TSNARE1: variants seen among roughly 807,000 people sequenced by gnomAD.
TSNARE1 encodes t-SNARE domain-containing protein 1.
Under a neutral mutation model 62.0 loss-of-function variants are expected in TSNARE1, and 49 were observed. The observed-to-expected ratio is 0.79, with a 90% CI of 0.63 to 1.00. The LOEUF (loss-of-function observed/expected upper bound fraction) is 1.00, where lower values mean the gene tolerates loss of function less well. Among genes scored for constraint, TSNARE1 ranks in the 50% least tolerant of loss-of-function variants. The pLI is 0.00. For synonymous variants in TSNARE1, 328 were observed against 294.4 expected (o/e 1.11, Z -1.17); for missense variants, 755 against 700.1 (o/e 1.08, Z -0.88).
At chr8:142,355,133 G>A (rs1454188389) in intron 1 of TSNARE1, among the ~76,000 whole-genome samples, 1 of 152,204 alleles carries the variant, frequency 6.6e-6, no homozygotes, top group Non-Finnish European at 1.5e-5. Flanking sequence ...CGCCATGCAG[G>A]CAGGGCAGCA....
intron 4 of TSNARE1, among the ~76,000 whole-genome samples, chr8:142,340,859 C>T (rs943263413): frequency 6.6e-6 from 1 of 152,268 alleles, no homozygotes; most frequent in African/African-American, 2.4e-5. Flanking sequence ...GATGACACCA[C>T]GTGCCTAGAC....
intron 11 of TSNARE1, among the ~76,000 whole-genome samples, chr8:142,281,051 C>G (rs1432817528): frequency 6.6e-6 from 1 of 152,178 alleles, no homozygotes; most frequent in Non-Finnish European, 1.5e-5. Context: ...CGCCAGCTGC[C>G]TGAGGGTCTC....
intron 6 of TSNARE1, among the ~76,000 whole-genome samples, chr8:142,326,662 G>A (rs1830323289): frequency 6.6e-6 from 1 of 150,614 alleles, no homozygotes; most frequent in African/African-American, 2.5e-5. Flanking sequence ...ACCAGCGAAG[G>A]GGAGGGCCCC....
At chr8:142,216,045 G>A (rs1234831274) in intron 13 of TSNARE1, among the ~76,000 whole-genome samples, 1 of 152,182 alleles carries the variant, frequency 6.6e-6, no homozygotes, top group Non-Finnish European at 1.5e-5. Flanking sequence ...GAGTGGCCCT[G>A]TGATGGGGCA....
At chr8:142,394,003 T>C (rs1386444274) in intron 1 of TSNARE1, among the ~76,000 whole-genome samples, 4 of 152,216 alleles carry the variant, frequency 2.6e-5, no homozygotes, top group African/African-American at 7.2e-5. Context: ...GGGATGTTCA[T>C]TACGAAAGCA....
chr8:142,310,454 C>T (rs1263347812), intron 9 of TSNARE1, among the ~76,000 whole-genome samples: 1 of 151,312 alleles, frequency 6.6e-6, no homozygotes, highest in East Asian at 1.9e-4. Flanking sequence ...TTCCATTGTC[C>T]CTTACTCCCT....
intron 11 of TSNARE1, among the ~76,000 whole-genome samples, chr8:142,279,477 C>G (rs1821044077): frequency 6.6e-6 from 1 of 152,224 alleles, no homozygotes; most frequent in African/African-American, 2.4e-5. Context: ...GTGACCGCCT[C>G]CCCACGGTAG....
intron 10 of TSNARE1, among the ~76,000 whole-genome samples, chr8:142,286,315 A>G (rs1822734337): frequency 6.6e-6 from 1 of 152,304 alleles, no homozygotes; most frequent in Admixed American, 6.5e-5. Context: ...ACTGACTTCC[A>G]TGAGGGTCAT....
chr8:142,253,449 G>T (rs1008716794), intron 12 of TSNARE1, among the ~76,000 whole-genome samples: 1 of 151,994 alleles, frequency 6.6e-6, no homozygotes, highest in African/African-American at 2.4e-5. Context: ...GCCATTCTGG[G>T]CAGGGACCCA....
At chr8:142,314,132 C>T (rs1052400779) in intron 9 of TSNARE1, among the ~76,000 whole-genome samples, 7 of 152,238 alleles carry the variant, frequency 4.6e-5, no homozygotes, top group Non-Finnish European at 7.3e-5. Flanking sequence ...AGCAGGAGAG[C>T]TGGTCTGACC....
At chr8:142,275,059 G>C in intron 11 of TSNARE1, 196 bp from the exon 12 acceptor site, 1 of 985,428 alleles carries the variant, frequency 1.0e-6, no homozygotes, top group Non-Finnish European at 1.2e-6. Flanking sequence ...AATGACATTA[G>C]AACGGAGGCC....
chr8:142,368,855 G>T (rs200549779), intron 1 of TSNARE1, among the ~76,000 whole-genome samples: 2 of 152,194 alleles, frequency 1.3e-5, no homozygotes, highest in East Asian at 3.8e-4. Flanking sequence ...ACCCACAGTG[G>T]CTAAGGAAGG....
At chr8:142,336,700 C>T (rs10441654) in intron 4 of TSNARE1, among the ~76,000 whole-genome samples, 22,353 of 152,182 alleles carry the variant, frequency 0.15, 2,140 homozygotes, top group African/African-American at 0.27. Flanking sequence ...GCCTAACCCA[C>T]GCAACAGGAG....
chr8:142,238,112 C>T (rs375601136), intron 12 of TSNARE1, among the ~76,000 whole-genome samples: 2 of 152,070 alleles, frequency 1.3e-5, no homozygotes, highest in Non-Finnish European at 2.9e-5. Flanking sequence ...CGTTACCCGC[C>T]CCCCCTCCAC....
chr8:142,344,461 C>A lies in TSNARE1; in HGVS notation c.250G>T (p.Ala84Ser), dbSNP rs199875184. The change falls in exon 4 of 14, where the codon GCC (alanine) becomes TCC (serine). Residue 84 changes from alanine to serine, a missense_variant. By Grantham distance (99) the Ala-to-Ser change is moderately conservative. Coordinates refer to ENST00000524325, the MANE Select transcript of TSNARE1 (RefSeq NM_145003.5). ...PRARKRGPGV[A>S]PEGSRMPEPT... ...TCCGGCATCCGGCTGCCTTCAGGGG[C>A]AACCCCAGGCCCTGGAAAGGCACCA... The A allele has an allele frequency of 3.9e-3, 6,138 of 1,557,698 alleles. 15 individuals carry two copies. The highest frequency in any genetic ancestry group is 4.9e-3 in the Non-Finnish European group (5,650 of 1,155,688).
chr8:142,272,405 C>A (rs1245328949), intron 12 of TSNARE1, among the ~76,000 whole-genome samples: 3 of 139,674 alleles, frequency 2.1e-5, no homozygotes, highest in Non-Finnish European at 4.7e-5. Flanking sequence ...CCCATCTACA[C>A]CTTCCTCCTT....
At chr8:142,304,070 G>A (rs891887993) in intron 9 of TSNARE1, among the ~76,000 whole-genome samples, 8 of 152,222 alleles carry the variant, frequency 5.3e-5, no homozygotes, top group Non-Finnish European at 8.8e-5. Flanking sequence ...ACCCTGACAC[G>A]GGTAGAAGCT....
chr8:142,266,754 C>T (rs1185361944), intron 12 of TSNARE1, among the ~76,000 whole-genome samples: 1 of 152,198 alleles, frequency 6.6e-6, no homozygotes, highest in Non-Finnish European at 1.5e-5. Context: ...CATCAACGAC[C>T]TCTTCACACA....
At chr8:142,255,839 C>CCACCACCAT (rs1563781391) in intron 12 of TSNARE1, among the ~76,000 whole-genome samples, 1 of 25,706 alleles carries the variant, frequency 3.9e-5, no homozygotes, top group Non-Finnish European at 9.2e-5. Flanking sequence ...ACCACCACCA[C>CCACCACCAT]CACCATCACC....
Sources: allele counts gnomAD v4.1 joint callset (sites outside exome capture counted in the v4.1 genomes callset), GRCh38; gene constraint gnomAD v4.1.1; transcripts MANE v1.5; gene names NCBI Gene and HGNC (gene_info 2026-07-23, HGNC 2026-07-21).